The following WDR90 variants were observed in gnomAD, a reference collection of about 807,000 sequenced individuals.
The protein encoded by WDR90 is WD repeat-containing protein 90.
A neutral mutation model predicts 195.2 loss-of-function variants in WDR90; 238 were observed. The ratio of observed to expected loss-of-function variants is 1.22; its 90% CI spans 1.10 to 1.36. The LOEUF is 1.36. Ranked by LOEUF, WDR90 falls within the 40% of genes most tolerant of loss-of-function variation. The pLI is 0.00. For synonymous variants in WDR90, 1,265 were observed against 1,052.4 expected (o/e 1.20, Z -3.91); for missense variants, 2,734 against 2,439.5 (o/e 1.12, Z -2.54).
In WDR90 at chr16:661,077, C is replaced by T. The variant is rs866959881; in HGVS notation, c.3418C>T (p.Leu1140=). 1 of 1,455,882 alleles carries T rather than the reference C, an allele frequency of 6.9e-7. No homozygotes were observed. Among genetic ancestry groups the T allele is most frequent in the Admixed American group, 2.2e-5 (1 of 45,232 alleles). 90.2% of individuals were successfully genotyped at this position (1,455,882 alleles called of 1,614,324 possible). The change falls in exon 29 of 41, where the codon CTG becomes TTG. Residue 1140 remains leucine, a synonymous_variant. Transcript: ENST00000293879. The part of the protein sequence containing the change: ...TGFFAYTCGR[L]VVVEDLHSGA... The stretch of plus-strand genomic sequence containing the variant: ...CTTCTTTGCCTACACGTGCGGCCGC[C>T]TGGTGGTGGTGGAGGACCTGCACTC...
chr16:657,949 G>T, intron 21 of WDR90, 57 bp downstream of exon 21: 1 of 1,492,290 alleles, frequency 6.7e-7, no homozygotes, highest in Non-Finnish European at 9.0e-7. Flanking sequence ...GCTGGCTGCA[G>T]GGGCAGGAGG....
rs749505818 is a variant in WDR90 at position 657,111 on chromosome 16, C to T, written c.2363C>T (p.Thr788Ile). Residue 788 changes from threonine (T) to isoleucine (I), a missense_variant, in exon 20 of 41, where the codon ACC becomes ATC. Thr to Ile is a moderately conservative substitution (Grantham distance 89, BLOSUM62 -1). Transcript: ENST00000293879. Reference sequence around the variant, plus strand: ...TGCAGGTGCCACCGAGGAGCTGTCACCGGCCTGACCGCCACCCCTGACGGC... The same window carrying T: ...TGCAGGTGCCACCGAGGAGCTGTCATCGGCCTGACCGCCACCCCTGACGGC... ...VEHTCHRGAV[T>I]GLTATPDGRL... is the part of the protein sequence containing the mutation. 2 of 1,591,500 alleles carry T rather than the reference C, an allele frequency of 1.3e-6. No homozygotes were observed. Among genetic ancestry groups the T allele is most frequent in the Admixed American group, 1.7e-5 (1 of 57,434 alleles).
chr16:663,532 C>A (rs1226157841), intron 34 of WDR90: 2 of 182,184 alleles, frequency 1.1e-5, no homozygotes, highest in Admixed American at 5.5e-5. Flanking sequence ...TTCTCTGAGG[C>A]TCAAGAGGTC....
chr16:665,959 T>A lies in WDR90; in HGVS notation c.4444T>A (p.Cys1482Ser). 6.3e-7 allele frequency: 1 copy of A among 1,588,258 alleles called. No homozygotes were observed. The highest frequency in any genetic ancestry group is 2.2e-5 in the East Asian group (1 of 44,588). ...QFQVLNQSCLCLAWSPPCCGR... is the reference protein window; with the variant it reads ...QFQVLNQSCLSLAWSPPCCGR... ...CACTGTGGGTCCCCAGAGCTGCCTC[T>A]GCCTGGCATGGAGCCCCCCGTGCTG... The change falls in exon 36 of 41, where the codon TGC (cysteine) becomes AGC (serine). Residue 1482 changes from cysteine (C) to serine (S), a missense_variant. Transcript: ENST00000293879.
At chr16:659,181 C>T (rs971089672) in intron 25 of WDR90, 55 bp downstream of exon 25, 2 of 1,609,700 alleles carry the variant, frequency 1.2e-6, no homozygotes, top group African/African-American at 1.3e-5. Context: ...TGGGGCCCGT[C>T]CTGTGTCTGC....
intron 34 of WDR90, among the ~76,000 whole-genome samples, chr16:664,527 G>C (rs1033198448): frequency 6.6e-6 from 1 of 152,154 alleles, no homozygotes; most frequent in African/African-American, 2.4e-5. Context: ...GTGGAAGTGC[G>C]AGGAATTCTG....
In WDR90 at chr16:655,486, C is replaced by A; in HGVS notation, c.1718+18C>A. On this transcript the variant is annotated intron_variant, in intron 15 of 40. Coordinates refer to ENST00000293879, the MANE Select transcript of WDR90 (RefSeq NM_145294.5). ...GCCATGCTGTGAGTCCCTGCCCTTC[C>A]CCACGGCCTGCCCCGGCATGGGGGC... 1 of 1,527,944 alleles carries A rather than the reference C, an allele frequency of 6.5e-7. No individual in the cohort carries two copies. Among genetic ancestry groups the A allele is most frequent in the South Asian group, 1.3e-5 (1 of 79,132 alleles). The allele number at this position is 1,527,944 out of a possible 1,614,324, so 94.6% of individuals were successfully genotyped here.
intron 3 of WDR90, 41 bp from the exon 4 acceptor site, chr16:650,213 T>TGCGGCCCCTGTCTCCTC: frequency 6.2e-7 from 1 of 1,610,794 alleles, no homozygotes; most frequent in Non-Finnish European, 8.5e-7. Context: ...CCGGCACCCC[T>TGCGGCCCCTGTCTCCTC]GCGGCCCCTG....
At position 655,567 on chromosome 16, in the gene WDR90, G is replaced by A. The variant is rs756321745; in HGVS notation, c.1719-6G>A. On this transcript the variant is annotated splice_polypyrimidine_tract_variant and splice_region_variant and intron_variant, in intron 15 of 40. Transcript: ENST00000293879. ...GCCTCACCTTCCCTGCCGCCTCCTC[G>A]GGCAGCTTCGTGTGCAGCCGCAGTG... 23 of 1,582,640 alleles carry A rather than the reference G, an allele frequency of 1.5e-5. No homozygotes were observed. The highest frequency in any genetic ancestry group is 1.7e-4 in the Middle Eastern group (1 of 5,932).
rs1156717533 is a variant in WDR90, at chr16:661,886, G to T, written c.3865-5G>T. 1 of 1,606,146 alleles carries T rather than the reference G, an allele frequency of 6.2e-7. No homozygotes were observed. The highest frequency in any genetic ancestry group is 8.5e-7 in the Non-Finnish European group (1 of 1,175,498). On this transcript the variant is annotated splice_region_variant and splice_polypyrimidine_tract_variant and intron_variant, in intron 31 of 40. Transcript: ENST00000293879. ...TGACCCATGGCCACTCTCATACTTT[G>T]CCAGGTGCGTCGAGAGCCAGTCCCA...
At chr16:650,757 C>A in intron 5 of WDR90, 48 bp downstream of exon 5, 1 of 1,588,214 alleles carries the variant, frequency 6.3e-7, no homozygotes, top group Middle Eastern at 1.7e-4. Flanking sequence ...CCCATGCTCT[C>A]AGCCCTGGAG....
Position 666,104 on chromosome 16 carries a change from C to G in WDR90, c.4589C>G (p.Thr1530Ser), listed in dbSNP as rs376024588. ...CACCCCCACCCGGTGGCGCTGACCA[C>G]TGTTGCCTTCTCCACCGATGGTGAG... The part of the protein sequence containing the change: ...KMHPHPVALT[T>S]VAFSTDGQTV... Residue 1530 changes from threonine to serine, a missense_variant, in exon 36 of 41, where the codon ACT becomes AGT. Physicochemically the swap from Thr to Ser is moderately conservative, Grantham distance 58. Transcript: ENST00000293879. The G allele has an allele frequency of 1.9e-6, 3 of 1,610,408 alleles. No homozygotes were observed. The highest frequency in any genetic ancestry group is 2.5e-6 in the Non-Finnish European group (3 of 1,179,076).
Position 667,442 on chromosome 16 carries a change from G to A in WDR90, c.5100G>A (p.Leu1700=). The change falls in exon 41 of 41, where the codon CTG becomes CTA. Residue 1700 remains leucine, a synonymous_variant. Coordinates refer to ENST00000293879, the MANE Select transcript of WDR90 (RefSeq NM_145294.5). ...ACCGTCTACCCACAGAGTGCATGCT[G>A]AGGCTGGTAGACTGTGCCATGGGGA... is the stretch of plus-strand genomic sequence containing the variant. ...LLAVGFAECM[L]RLVDCAMGTA... is the part of the protein sequence containing the mutation. 6.2e-7 allele frequency: 1 copy of A among 1,600,276 alleles called. No individual in the cohort carries two copies. The highest frequency in any genetic ancestry group is 8.5e-7 in the Non-Finnish European group (1 of 1,170,310).
At chr16:658,791 C>T (rs924296991) in intron 23 of WDR90, 105 bp from the exon 24 acceptor site, 14 of 1,557,802 alleles carry the variant, frequency 9.0e-6, no homozygotes, top group Non-Finnish European at 8.7e-6. Context: ...TCCTCTGTGC[C>T]TCCGGGGCCT....
chr16:649,354 T>C (rs2037589493), upstream of WDR90: 3 of 1,321,106 alleles, frequency 2.3e-6, no homozygotes, highest in Non-Finnish European at 2.9e-6. Context: ...TTGCCTGGCG[T>C]CGCGGGGCGT....
chr16:661,435 T>A lies in WDR90; in HGVS notation c.3607T>A (p.Phe1203Ile). The A allele has an allele frequency of 6.2e-7, 1 of 1,612,502 alleles. No individual in the cohort carries two copies. The highest frequency in any genetic ancestry group is 8.5e-7 in the Non-Finnish European group (1 of 1,179,890). ...TGGCGGCCTCTGCCAGCATCTCATT[T>A]TCCCCCATAGCACCACCGTGCTGGC... ...VSGGLCQHLI[F>I]PHSTTVLALA... Residue 1203 changes from phenylalanine to isoleucine, a missense_variant, in exon 30 of 41, where the codon TTC (phenylalanine) becomes ATC (isoleucine). Physicochemically the swap from Phe to Ile is conservative, Grantham distance 21. Transcript: ENST00000293879.
intron 26 of WDR90, 125 bp from the exon 27 acceptor site, chr16:659,933 G>A: frequency 1.3e-6 from 1 of 744,348 alleles, no homozygotes; most frequent in Non-Finnish European, 2.1e-6. Flanking sequence ...GCTCCGGCCT[G>A]TGCCCCGCCG....
Position 666,955 on chromosome 16 carries a change from C to A in WDR90, c.5055C>A (p.Ser1685=). 1 of 1,611,280 alleles carries A rather than the reference C, an allele frequency of 6.2e-7. No homozygotes were observed. The highest frequency in any genetic ancestry group is 8.5e-7 in the Non-Finnish European group (1 of 1,178,796). Residue 1685 remains serine, a synonymous_variant, in exon 40 of 41, where the codon TCC becomes TCA. Transcript: ENST00000293879. Reference sequence around the variant, plus strand: ...TTTTTGCCATGTCCCTGAGCCTGTCCCCCGGGACCCACCTCCTGGCTGTTG... The same window carrying A: ...TTTTTGCCATGTCCCTGAGCCTGTCACCCGGGACCCACCTCCTGGCTGTTG... ...LPFFAMSLSL[S]PGTHLLAVGF...
At chr16:659,951 C>G in intron 26 of WDR90, 107 bp from the exon 27 acceptor site, 1 of 862,538 alleles carries the variant, frequency 1.2e-6, no homozygotes, top group Non-Finnish European at 1.8e-6. Flanking sequence ...CCGTGCAGTT[C>G]TCACTGTGTG....
Sources: allele counts gnomAD v4.1 joint callset (sites outside exome capture counted in the v4.1 genomes callset), GRCh38; gene constraint gnomAD v4.1.1; transcripts MANE v1.5; gene names NCBI Gene and HGNC (gene_info 2026-07-23, HGNC 2026-07-21).